BBS1: variants seen among roughly 807,000 people sequenced by gnomAD.
BBS1 encodes the protein BBSome complex member BBS1.
BBS1 carries 60 observed loss-of-function variants against 73.9 expected under a neutral mutation model. The ratio of observed to expected loss-of-function variants is 0.81; its 90% CI spans 0.66 to 1.01. The LOEUF (loss-of-function observed/expected upper bound fraction) is 1.01, where lower values mean the gene tolerates loss of function less well. BBS1 is among the 50% of genes least tolerant of loss of function. The probability of loss-of-function intolerance (pLI) is 0.00; values close to 1 mark genes in which losing one functional copy is unlikely to be tolerated. For missense variants in BBS1, 718 were observed against 770.3 expected, an observed-to-expected ratio of 0.93 and a Z score of 0.80; for synonymous variants, 283 against 317.4, an observed-to-expected ratio of 0.89 and a Z score of 1.15.
At chr11:66,529,756 G>C in intron 13 of BBS1, 63 bp from the exon 14 acceptor site, 1 of 1,597,274 alleles carries the variant, frequency 6.3e-7, no homozygotes, top group Non-Finnish European at 8.5e-7. Context: ...GGAGTGCCCC[G>C]TTGCTGCCTC....
chr11:66,529,364 G>T, intron 13 of BBS1: 1 of 1,491,088 alleles, frequency 6.7e-7, no homozygotes, highest in Non-Finnish European at 9.0e-7. Context: ...GGACCTCCCT[G>T]TGGAGATGAG....
chr11:66,512,956 A>G (rs922003967), intron 3 of BBS1, among the ~76,000 whole-genome samples: 3 of 151,808 alleles, frequency 2.0e-5, no homozygotes, highest in African/African-American at 7.3e-5. Flanking sequence ...TGGGTGACAG[A>G]GCGAGACTCC....
intron 9 of BBS1, among the ~76,000 whole-genome samples, chr11:66,522,203 G>A (rs898750288): frequency 7.9e-5 from 12 of 151,170 alleles, no homozygotes; most frequent in Admixed American, 5.3e-4. Flanking sequence ...GGCACAGAGC[G>A]AGACTCTGTC....
intron 13 of BBS1, chr11:66,527,135 G>T: frequency 1.1e-6 from 1 of 913,954 alleles, no homozygotes; most frequent in Non-Finnish European, 1.7e-6. Flanking sequence ...CCAACACTTT[G>T]GCAGAGGTGG....
intron 7 of BBS1, 150 bp from the exon 8 acceptor site, chr11:66,519,467 A>G (rs556730327): frequency 1.8e-6 from 2 of 1,111,436 alleles, no homozygotes; most frequent in African/African-American, 3.1e-5. Context: ...TTGTTGCAAT[A>G]AACACCTTTG....
At position 66,526,783 on chromosome 11, in the gene BBS1, C is replaced by T; in HGVS notation, c.1315C>T (p.Leu439=). ...GACCCGGCTTTACGTGGATCAGACA[C>T]TGCGAGAGCGGGAGGCTGGCACCGG... ...RKTRLYVDQT[L]REREAGTAMH... is the part of the protein sequence containing the mutation. The change falls in exon 13 of 17, where the codon CTG becomes TTG. Residue 439 remains leucine, a synonymous_variant. Coordinates refer to ENST00000318312, the MANE Select transcript of BBS1 (RefSeq NM_024649.5). The T allele has an allele frequency of 6.2e-7, 1 of 1,614,250 alleles. No individual in the cohort carries two copies. The highest frequency in any genetic ancestry group is 8.5e-7 in the Non-Finnish European group (1 of 1,180,046).
intron 7 of BBS1, 114 bp from the exon 8 acceptor site, chr11:66,519,503 G>A: frequency 6.9e-7 from 1 of 1,443,396 alleles, no homozygotes; most frequent in Admixed American, 1.8e-5. Context: ...TCACATCTCT[G>A]ATATTTCCTC....
In BBS1 at chr11:66,530,906, G is replaced by A; in HGVS notation, c.1486G>A (p.Gly496Ser). ...ACCCTCTCCATAGGTTCAGGGCCTT[G>A]GCCCCACCTTTAAGCTCACACTTCA... is the stretch of plus-strand genomic sequence containing the variant. ...LKLHAVVQGL[G>S]PTFKLTLHLQ... The change falls in exon 15 of 17, where the codon GGC (glycine) becomes AGC (serine). Residue 496 changes from glycine to serine, a missense_variant. Physicochemically the swap from Gly to Ser is moderately conservative, Grantham distance 56 (BLOSUM62 0). Coordinates refer to ENST00000318312, the MANE Select transcript of BBS1 (RefSeq NM_024649.5). The A allele has an allele frequency of 6.2e-7, 1 of 1,614,226 alleles. No homozygotes were observed. The highest frequency in any genetic ancestry group is 8.5e-7 in the Non-Finnish European group (1 of 1,180,030).
intron 7 of BBS1, among the ~76,000 whole-genome samples, chr11:66,516,591 C>A (rs934316847): frequency 6.6e-6 from 1 of 152,144 alleles, no homozygotes; most frequent in Non-Finnish European, 1.5e-5. Context: ...TCCTCCGTCA[C>A]CCAGGCTGGA....
chr11:66,532,777 G>C lies in BBS1; in HGVS notation c.*740G>C, dbSNP rs534265575. ...TCACACAGCAGCTGCTCCTGACAGG[G>C]ATGCTCATGCCCAGAAAGCAAGCCC... On this transcript the variant is annotated 3_prime_UTR_variant, in exon 17 of 17. Transcript: ENST00000318312. The C allele has an allele frequency of 1.3e-5, 2 of 152,630 alleles. No individual in the cohort carries two copies. The highest frequency in any genetic ancestry group is 4.1e-4 in the South Asian group (2 of 4,832). The allele number at this position is 152,630 out of a possible 1,614,324, so 9.5% of individuals were successfully genotyped here. A position where few individuals can be genotyped will look rare whatever the true frequency, so the allele number is the denominator to read the frequency against.
Position 66,511,008 on chromosome 11 carries a change from T to C in BBS1, c.48-5T>C. On this transcript the variant is annotated splice_region_variant and splice_polypyrimidine_tract_variant and intron_variant, in intron 1 of 16. Coordinates refer to ENST00000318312, the MANE Select transcript of BBS1 (RefSeq NM_024649.5). ...ACTCCCCAACTGTCTTTCCCCCACT[T>C]CCAGCAATGAGGCCAATTCGAAGTG... is the stretch of plus-strand genomic sequence containing the variant. 6.2e-7 allele frequency: 1 copy of C among 1,614,122 alleles called. No homozygotes were observed. Among genetic ancestry groups the C allele is most frequent in the Non-Finnish European group, 8.5e-7 (1 of 1,180,002 alleles).
At chr11:66,510,847 G>GTGTGTC in intron 1 of BBS1, 141 bp downstream of exon 1, 1 of 1,376,866 alleles carries the variant, frequency 7.3e-7, no homozygotes, top group Non-Finnish European at 1.0e-6. Flanking sequence ...GGCCTAAGAT[G>GTGTGTC]TGCATATGTG....
intron 9 of BBS1, 81 bp downstream of exon 9, chr11:66,521,457 G>T: frequency 9.1e-7 from 1 of 1,102,506 alleles, no homozygotes; most frequent in South Asian, 1.3e-5. Context: ...GATGAGAGTG[G>T]GCTTTAAGGC....
At chr11:66,525,266 G>A (rs1241267687) in intron 11 of BBS1, among the ~76,000 whole-genome samples, 1 of 151,518 alleles carries the variant, frequency 6.6e-6, no homozygotes, top group African/African-American at 2.4e-5. Context: ...GGCTGAGGCA[G>A]AAGAATCACT....
intron 8 of BBS1, chr11:66,520,387 C>T: frequency 6.5e-6 from 1 of 154,228 alleles, no homozygotes. Context: ...CGGGTTCAAG[C>T]AGTTCTCATG....
chr11:66,515,830 G>A, intron 6 of BBS1, 31 bp from the exon 7 acceptor site: 1 of 1,614,094 alleles, frequency 6.2e-7, no homozygotes. Context: ...CGAGGCCGGG[G>A]CCTGCAGATG....
At position 66,530,963 on chromosome 11, in the gene BBS1, C is replaced by G. The variant is rs1856754378; in HGVS notation, c.1543C>G (p.Leu515Val). ...LQNTSTTRPV[L>V]GLLVCFLYNE... ...GAACACCTCAACAACCCGTCCTGTCCTGGGGCTGCTGGTCTGCTTCCTGTA... is the reference window on the plus strand; with the variant it reads ...GAACACCTCAACAACCCGTCCTGTCGTGGGGCTGCTGGTCTGCTTCCTGTA... Residue 515 changes from leucine (L) to valine (V), a missense_variant, in exon 15 of 17, where the codon CTG becomes GTG. Coordinates refer to ENST00000318312, the MANE Select transcript of BBS1 (RefSeq NM_024649.5). 6.2e-7 allele frequency: 1 copy of G among 1,614,252 alleles called. No homozygotes were observed. The highest frequency in any genetic ancestry group is 8.5e-7 in the Non-Finnish European group (1 of 1,180,048).
chr11:66,512,959 G>A (rs1038118625), intron 3 of BBS1, among the ~76,000 whole-genome samples: 3 of 151,148 alleles, frequency 2.0e-5, no homozygotes, highest in East Asian at 1.9e-4. Context: ...GTGACAGAGC[G>A]AGACTCCATC....
Position 66,529,387 on chromosome 11 carries a change from G to A in BBS1, c.1340-432G>A, listed in dbSNP as rs764992061. On this transcript the variant is annotated intron_variant, in intron 13 of 16. Coordinates refer to ENST00000318312, the MANE Select transcript of BBS1 (RefSeq NM_024649.5). The stretch of plus-strand genomic sequence containing the variant: ...CTGTGGAGATGAGCAGGAGGCAGGC[G>A]AGGGTGCTCACTAAGCTGCTGGAGA... 1.8e-5 allele frequency: 25 copies of A among 1,368,548 alleles called. No homozygotes were observed. The Admixed American group carries it at 2.2e-4, about 12-fold the overall frequency. 84.8% of individuals were successfully genotyped at this position (1,368,548 alleles called of 1,614,324 possible). A position where few individuals can be genotyped will look rare whatever the true frequency, so the allele number is the denominator to read the frequency against.
Sources: gnomAD v4.1 joint callset for allele counts (sites outside exome capture counted in the v4.1 genomes callset) on GRCh38, gnomAD v4.1.1 for gene constraint, MANE v1.5 for transcripts, NCBI Gene and HGNC (gene_info 2026-07-23, HGNC 2026-07-21) for gene names.